CP: variants seen among roughly 807,000 people sequenced by gnomAD.
The protein encoded by CP is ceruloplasmin.
CP carries 64 observed loss-of-function variants against 122.4 expected under a neutral mutation model. The observed-to-expected ratio is 0.52, with a 90% CI of 0.43 to 0.64. The LOEUF (loss-of-function observed/expected upper bound fraction) is 0.64, where lower values mean the gene tolerates loss of function less well. Among genes scored for constraint, CP ranks in the 30% least tolerant of loss-of-function variants. CP has a pLI of 0.00. For synonymous variants in CP, 440 were observed against 436.4 expected (o/e 1.01, Z -0.10); for missense variants, 1,167 against 1,284.4 (o/e 0.91, Z 1.40).
intron 8 of CP, among the ~76,000 whole-genome samples, chr3:149,198,955 T>A (rs1727104186): frequency 6.6e-6 from 1 of 152,254 alleles, no homozygotes; most frequent in South Asian, 2.1e-4. Flanking sequence ...ATGCATTTTC[T>A]ATTGAATAAA....
At chr3:149,171,769 A>G (rs1313394334), downstream of CP, among the ~76,000 whole-genome samples, 1 of 144,832 alleles carries the variant, frequency 6.9e-6, no homozygotes, top group Non-Finnish European at 1.5e-5. Context: ...CAGTGGTGCA[A>G]TCTCAACTCA....
intron 4 of CP, among the ~76,000 whole-genome samples, chr3:149,207,865 C>T (rs137873888): frequency 6.6e-6 from 1 of 152,014 alleles, no homozygotes; most frequent in African/African-American, 2.4e-5. Context: ...AAGATAAAAC[C>T]TATTTGCTGT....
intron 1 of CP, among the ~76,000 whole-genome samples, chr3:149,221,055 A>G (rs993316701): frequency 6.6e-6 from 1 of 152,182 alleles, no homozygotes; most frequent in African/African-American, 2.4e-5. Flanking sequence ...TTTTATGCAC[A>G]TATGTGCCAA....
intron 10 of CP, among the ~76,000 whole-genome samples, 200 bp from the exon 11 acceptor site, chr3:149,186,932 A>C (rs1726218853): frequency 6.6e-6 from 1 of 152,352 alleles, no homozygotes; most frequent in South Asian, 2.1e-4. Flanking sequence ...TGAAAGGAGC[A>C]GAGCTGAATG....
At chr3:149,206,378 A>T in intron 5 of CP, 39 bp from the exon 6 acceptor site, 1 of 1,611,248 alleles carries the variant, frequency 6.2e-7, no homozygotes, top group Non-Finnish European at 8.5e-7. Flanking sequence ...TAATGAAGAC[A>T]ATGTTTCTCT....
chr3:149,196,753 A>C (rs1240885124), intron 9 of CP, among the ~76,000 whole-genome samples: 2 of 68,806 alleles, frequency 2.9e-5, no homozygotes, highest in East Asian at 9.5e-4. Context: ...AAAATTGAGA[A>C]GCCTTTGATT....
chr3:149,209,123 G>C, intron 4 of CP, 88 bp downstream of exon 4: 1 of 1,512,864 alleles, frequency 6.6e-7, no homozygotes, highest in Non-Finnish European at 9.2e-7. Context: ...TAGACACACA[G>C]TACTTATTTA....
intron 2 of CP, 85 bp downstream of exon 2, chr3:149,212,366 A>G (rs1428591453): frequency 6.8e-7 from 1 of 1,465,434 alleles, no homozygotes; most frequent in South Asian, 1.2e-5. Context: ...TGTCTTATCC[A>G]GGAGAGAAGT....
At chr3:149,183,215 TAAAATA>T (rs1238781105) in intron 13 of CP, among the ~76,000 whole-genome samples, 2 of 152,176 alleles carry the variant, frequency 1.3e-5, no homozygotes, top group African/African-American at 4.8e-5. Context: ...ATCAATTTGA[TAAAATA>T]TATATAATTT....
downstream of CP, among the ~76,000 whole-genome samples, chr3:149,171,020 C>T (rs911845738): frequency 5.3e-5 from 8 of 152,088 alleles, no homozygotes; most frequent in Non-Finnish European, 1.0e-4. Context: ...TGGCTCACGC[C>T]GGTAATCCCA....
intron 18 of CP, among the ~76,000 whole-genome samples, chr3:149,175,084 C>T (rs1725328674): frequency 6.6e-6 from 1 of 152,144 alleles, no homozygotes; most frequent in African/African-American, 2.4e-5. Flanking sequence ...CATTTGCACA[C>T]ATGAATTCCC....
chr3:149,214,831 A>G (rs750402140), intron 1 of CP, among the ~76,000 whole-genome samples: 3 of 152,214 alleles, frequency 2.0e-5, no homozygotes, highest in Non-Finnish European at 4.4e-5. Context: ...TGCATCAAAG[A>G]CTACTAAGTT....
Position 149,178,511 on chromosome 3 carries a change from A to T in CP, c.2782T>A (p.Ser928Thr), listed in dbSNP as rs2108216572. 6.2e-7 allele frequency: 1 copy of T among 1,613,266 alleles called. No individual in the cohort carries two copies. Among genetic ancestry groups the T allele is most frequent in the South Asian group, 1.1e-5 (1 of 91,064 alleles). Reference protein sequence around the residue: ...LLFLVFDENESWYLDDNIKTY... With the variant: ...LLFLVFDENETWYLDDNIKTY... ...TTGATGTTGTCATCTAAGTACCAAG[A>T]TTCATTCTCATCAAAAACTAGAAAC... Residue 928 changes from serine (S) to threonine (T), a missense_variant, in exon 16 of 19, where the codon TCT (serine) becomes ACT (threonine). By Grantham distance (58) the Ser-to-Thr change is moderately conservative. Transcript: ENST00000264613.
intron 2 of CP, among the ~76,000 whole-genome samples, chr3:149,211,284 C>T (rs1214429191): frequency 6.6e-6 from 1 of 152,126 alleles, no homozygotes; most frequent in Admixed American, 6.5e-5. Flanking sequence ...AGCATTTTTG[C>T]TTATGATAGC....
intron 15 of CP, among the ~76,000 whole-genome samples, chr3:149,179,302 C>T (rs1310653348): frequency 6.6e-6 from 1 of 152,178 alleles, no homozygotes; most frequent in Non-Finnish European, 1.5e-5. Context: ...TCAGTGGCTA[C>T]CTGTGACCCA....
Position 149,217,940 on chromosome 3 carries a change from C to G in CP, c.146+3707G>C, listed in dbSNP as rs541738325. The stretch of plus-strand genomic sequence containing the variant: ...CTGTTATTTCTTCTTGGTCATTAGG[C>G]CTGCTTATAGTGACATCTTCACTGT... On this transcript the variant is annotated intron_variant, in intron 1 of 18. Coordinates refer to ENST00000264613, the MANE Select transcript of CP (RefSeq NM_000096.4). 2.4e-4 allele frequency: 103 copies of G among 429,024 alleles called. 2 individuals are homozygous for G. The highest frequency in any genetic ancestry group is 1.8e-3 in the South Asian group (102 of 57,482). 26.6% of individuals were successfully genotyped at this position (429,024 alleles called of 1,614,324 possible). A position where few individuals can be genotyped will look rare whatever the true frequency, so the allele number is the denominator to read the frequency against.
chr3:149,198,263 C>G, intron 9 of CP, 104 bp downstream of exon 9: 2 of 883,560 alleles, frequency 2.3e-6, no homozygotes, highest in South Asian at 1.5e-5. Context: ...AAGGTATATA[C>G]TAAAGTATTT....
intron 1 of CP, 76 bp from the exon 2 acceptor site, chr3:149,212,774 A>T: frequency 7.3e-6 from 11 of 1,501,486 alleles, no homozygotes; most frequent in Non-Finnish European, 8.1e-6. Context: ...ATTTAATAAC[A>T]TTATAATTAG....
At chr3:149,163,614 G>A (rs1724110283) in intron 5 of CP, among the ~76,000 whole-genome samples, 1 of 152,094 alleles carries the variant, frequency 6.6e-6, no homozygotes, top group South Asian at 2.1e-4. Context: ...GTGCCTCTTT[G>A]GAGTATTTAC....
Sources: gnomAD v4.1 joint callset for allele counts (sites outside exome capture counted in the v4.1 genomes callset) on GRCh38, gnomAD v4.1.1 for gene constraint, MANE v1.5 for transcripts, NCBI Gene and HGNC (gene_info 2026-07-23, HGNC 2026-07-21) for gene names.